The following GRIK2 variants were observed in gnomAD, a reference collection of about 807,000 sequenced individuals.
The protein encoded by GRIK2 is glutamate receptor ionotropic, kainate 2.
In GRIK2, 32 loss-of-function variants were observed where a neutral mutation model predicts 100.3. The observed-to-expected ratio is 0.32, with a 90% CI of 0.24 to 0.43. The LOEUF is 0.43. Among genes scored for constraint, GRIK2 ranks in the 20% least tolerant of loss-of-function variants. The probability of loss-of-function intolerance (pLI) is 1.00; values close to 1 mark genes in which losing one functional copy is unlikely to be tolerated. For missense variants in GRIK2, 843 were observed against 1,114.9 expected (o/e 0.76, Z 3.47); for synonymous variants, 417 against 389.4 (o/e 1.07, Z -0.83).
chr6:101,821,903 C>T (rs1461334474), intron 10 of GRIK2, among the ~76,000 whole-genome samples: 1 of 151,852 alleles, frequency 6.6e-6, no homozygotes, highest in African/African-American at 2.4e-5. Context: ...CTCCCATATC[C>T]CTATCATGGG....
intron 9 of GRIK2, among the ~76,000 whole-genome samples, chr6:101,803,399 A>G (rs1562400466): frequency 6.6e-6 from 1 of 151,860 alleles, no homozygotes; most frequent in Non-Finnish European, 1.5e-5. Flanking sequence ...TAAATACATT[A>G]TGACCAACTG....
intron 2 of GRIK2, among the ~76,000 whole-genome samples, chr6:101,595,007 G>T (rs1778842783): frequency 6.6e-6 from 1 of 151,752 alleles, no homozygotes; most frequent in African/African-American, 2.4e-5. Flanking sequence ...TGGTGGCTAA[G>T]CTTTGGAATA....
chr6:101,971,141 CAAATT>C lies in GRIK2; in HGVS notation c.2085+42513_2085+42517del, dbSNP rs1320370153. On this transcript the variant is annotated intron_variant, in intron 14 of 16. Transcript: ENST00000369134. ...CAGAAATTGGAAAATATTTGTAGAT[CAAATT>C]AAACAGAAAGCCAATGAGATATATT... 3.0e-4 allele frequency among the ~76,000 whole-genome samples: 44 copies of C among 144,654 alleles called. 2 individuals carry two copies. Among genetic ancestry groups the C allele is most frequent in the African/African-American group, 1.2e-3 (43 of 34,526 alleles). 94.9% of individuals were successfully genotyped at this position (144,654 alleles called of 152,430 possible). A position where few individuals can be genotyped will look rare whatever the true frequency, so the allele number is the denominator to read the frequency against.
chr6:101,666,798 A>G (rs1258877422), intron 4 of GRIK2, among the ~76,000 whole-genome samples: 1 of 152,200 alleles, frequency 6.6e-6, no homozygotes, highest in East Asian at 1.9e-4. Context: ...ACATTTTGAT[A>G]AAGATACCCC....
Position 102,069,855 on chromosome 6 carries a change from A to AAGTT in GRIK2, c.*1347_*1350dup, listed in dbSNP as rs577642287. The stretch of plus-strand genomic sequence containing the variant: ...GGAATCATAGAAGAGAAATATTTTC[A>AAGTT]AGTTAGATAATATAAAAGCTAGGTG... On this transcript the variant is annotated 3_prime_UTR_variant, in exon 17 of 17. Transcript: ENST00000369134. 29 of 152,090 alleles carry AAGTT rather than the reference A, an allele frequency of 1.9e-4. No homozygotes were observed. The highest frequency in any genetic ancestry group is 6.3e-4 in the African/African-American group (26 of 41,528). 9.4% of individuals were successfully genotyped at this position (152,090 alleles called of 1,614,324 possible).
intron 12 of GRIK2, among the ~76,000 whole-genome samples, chr6:101,916,943 G>C (rs1296329534): frequency 6.6e-6 from 1 of 151,556 alleles, no homozygotes; most frequent in African/African-American, 2.4e-5. Flanking sequence ...AAAGGCTTGA[G>C]ATGTTCCCAT....
intron 7 of GRIK2, among the ~76,000 whole-genome samples, chr6:101,758,391 T>C (rs1327095305): frequency 6.6e-6 from 1 of 152,240 alleles, no homozygotes; most frequent in East Asian, 1.9e-4. Context: ...ATCCATTTGA[T>C]ATATTATCCT....
At chr6:102,023,898 T>G (rs1339864910) in intron 14 of GRIK2, among the ~76,000 whole-genome samples, 1 of 151,268 alleles carries the variant, frequency 6.6e-6, no homozygotes, top group Non-Finnish European at 1.5e-5. Flanking sequence ...TGGTATAATA[T>G]AAAAAAGGAG....
chr6:101,823,309 T>C (rs890931622), intron 10 of GRIK2, among the ~76,000 whole-genome samples: 1 of 152,196 alleles, frequency 6.6e-6, no homozygotes, highest in Non-Finnish European at 1.5e-5. Flanking sequence ...TACATAGTTG[T>C]ATTATGCAGT....
At chr6:101,929,058 G>T (rs1214188731) in intron 14 of GRIK2, among the ~76,000 whole-genome samples, 1 of 152,156 alleles carries the variant, frequency 6.6e-6, no homozygotes, top group Non-Finnish European at 1.5e-5. Context: ...AATGAGGCAA[G>T]ATTTAAGGGC....
intron 11 of GRIK2, 120 bp downstream of exon 11, chr6:101,859,613 A>C (rs1161949174): frequency 1.6e-6 from 1 of 643,840 alleles, no homozygotes; most frequent in Non-Finnish European, 2.7e-6. Context: ...TATTTCCTTC[A>C]ATAATTTTAT....
chr6:102,024,493 A>G (rs1275745073), intron 14 of GRIK2, among the ~76,000 whole-genome samples: 5 of 151,346 alleles, frequency 3.3e-5, no homozygotes, highest in South Asian at 2.1e-4. Context: ...ATCTGTATCC[A>G]GGAAATGAAT....
intron 7 of GRIK2, among the ~76,000 whole-genome samples, chr6:101,703,660 A>AT (rs1343966599): frequency 6.6e-6 from 1 of 151,608 alleles, no homozygotes; most frequent in Non-Finnish European, 1.5e-5. Context: ...AGTCACATAA[A>AT]TTTTTTTTAA....
chr6:101,782,013 C>CTTTAT (rs751522000), intron 7 of GRIK2, among the ~76,000 whole-genome samples: 26 of 151,992 alleles, frequency 1.7e-4, no homozygotes, highest in East Asian at 3.9e-4. Context: ...CTGGAGTCCC[C>CTTTAT]TTTATTTTAT....
intron 10 of GRIK2, among the ~76,000 whole-genome samples, chr6:101,830,188 T>C (rs1782589072): frequency 6.6e-6 from 1 of 152,152 alleles, no homozygotes; most frequent in East Asian, 1.9e-4. Context: ...GGATATCTTA[T>C]TCAATGAATG....
chr6:101,426,678 A>G (rs1443254943), intron 2 of GRIK2, among the ~76,000 whole-genome samples: 1 of 152,174 alleles, frequency 6.6e-6, no homozygotes, highest in East Asian at 1.9e-4. Context: ...AGCCCCTGTC[A>G]TATTTGTGCC....
Position 101,482,223 on chromosome 6 carries a change from G to A in GRIK2, c.115+82831G>A, listed in dbSNP as rs142714040. On this transcript the variant is annotated intron_variant, in intron 2 of 16. Coordinates refer to ENST00000369134, the MANE Select transcript of GRIK2 (RefSeq NM_021956.5). Reference sequence around the variant, plus strand: ...TAACTTTCTCACTTAGATTCATTCCGGCAACAAATATTTATGGAGCACCTA... The same window carrying A: ...TAACTTTCTCACTTAGATTCATTCCAGCAACAAATATTTATGGAGCACCTA... Among the ~76,000 whole-genome samples, 583 of 152,160 alleles carry A rather than the reference G, an allele frequency of 3.8e-3. 3 individuals carry two copies. Among genetic ancestry groups the A allele is most frequent in the African/African-American group, 0.013 (547 of 41,500 alleles).
chr6:101,993,898 A>T (rs1329659652), intron 14 of GRIK2: 1 of 147,998 alleles, frequency 6.8e-6, no homozygotes, highest in African/African-American at 2.5e-5. Context: ...TATATATTAT[A>T]CACACATATA....
intron 2 of GRIK2, among the ~76,000 whole-genome samples, chr6:101,583,946 A>G (rs1294284584): frequency 6.6e-6 from 1 of 152,110 alleles, no homozygotes; most frequent in Non-Finnish European, 1.5e-5. Context: ...AATATGGCAG[A>G]TTTTATATGA....
Sources: gnomAD v4.1 joint callset for allele counts (sites outside exome capture counted in the v4.1 genomes callset) on GRCh38, gnomAD v4.1.1 for gene constraint, MANE v1.5 for transcripts, NCBI Gene and HGNC (gene_info 2026-07-23, HGNC 2026-07-21) for gene names.